Variants in TNR observed in about 807,000 individuals in gnomAD.
TNR encodes tenascin R, also known as tenascin-R.
Under a neutral mutation model 150.4 loss-of-function variants are expected in TNR, and 45 were observed. The observed-to-expected ratio is 0.30, with a 90% CI of 0.24 to 0.38. The LOEUF is 0.38. Among genes scored for constraint, TNR ranks in the 10% least tolerant of loss-of-function variants. TNR has a pLI of 1.00. For missense variants in TNR, 1,544 were observed against 1,759.1 expected (o/e 0.88, Z 2.19); for synonymous variants, 687 against 678.4 (o/e 1.01, Z -0.20).
At chr1:175,678,987 G>C (rs1665949349) in intron 1 of TNR, among the ~76,000 whole-genome samples, 1 of 152,228 alleles carries the variant, frequency 6.6e-6, no homozygotes, top group South Asian at 2.1e-4. Context: ...ACCTATGTCT[G>C]TCCACACTGC....
intron 1 of TNR, among the ~76,000 whole-genome samples, chr1:175,665,085 C>T (rs1482303092): frequency 6.6e-6 from 1 of 152,214 alleles, no homozygotes; most frequent in South Asian, 2.1e-4. Flanking sequence ...AGCTTGGTCT[C>T]AACGTTAGCC....
chr1:175,711,807 G>A (rs956298362), intron 1 of TNR, among the ~76,000 whole-genome samples: 3 of 152,230 alleles, frequency 2.0e-5, no homozygotes, highest in African/African-American at 7.2e-5. Flanking sequence ...GAGCTCCTGG[G>A]AGGAAGGGAT....
At chr1:175,528,062 C>A (rs1020886846) in intron 2 of TNR, among the ~76,000 whole-genome samples, 2 of 152,200 alleles carry the variant, frequency 1.3e-5, no homozygotes, top group Non-Finnish European at 2.9e-5. Context: ...AAGCCAAAGC[C>A]TTGGTACCCG....
intron 15 of TNR, among the ~76,000 whole-genome samples, chr1:175,359,198 T>C (rs1164838890): frequency 7.8e-6 from 1 of 128,484 alleles, no homozygotes; most frequent in African/African-American, 2.9e-5. Context: ...CAGGCTGGAG[T>C]GCAATGGCGT....
chr1:175,727,503 G>A (rs904181696), intron 1 of TNR, among the ~76,000 whole-genome samples: 7 of 152,172 alleles, frequency 4.6e-5, no homozygotes, highest in Non-Finnish European at 1.0e-4. Context: ...GCTGTAGATG[G>A]GAGCTGAGAA....
chr1:175,543,123 A>G (rs1660566483), intron 1 of TNR, among the ~76,000 whole-genome samples: 1 of 152,218 alleles, frequency 6.6e-6, no homozygotes, highest in Non-Finnish European at 1.5e-5. Flanking sequence ...CAAAGTTAGT[A>G]GCTGGTTCAG....
chr1:175,557,978 T>C (rs1301886249), intron 1 of TNR, among the ~76,000 whole-genome samples: 1 of 106,112 alleles, frequency 9.4e-6, no homozygotes, highest in Non-Finnish European at 1.9e-5. Flanking sequence ...TGTAGGGACA[T>C]GGATGAAATT....
chr1:175,675,193 A>G (rs1665822337), intron 1 of TNR, among the ~76,000 whole-genome samples: 1 of 152,234 alleles, frequency 6.6e-6, no homozygotes, highest in South Asian at 2.1e-4. Flanking sequence ...CCCATTGTGC[A>G]TATCGGCTTG....
intron 7 of TNR, among the ~76,000 whole-genome samples, chr1:175,390,308 G>T (rs1653113210): frequency 6.6e-6 from 1 of 152,118 alleles, no homozygotes. Flanking sequence ...CTGGCTTTCT[G>T]GTACATCAAT....
intron 2 of TNR, among the ~76,000 whole-genome samples, chr1:175,407,967 G>T (rs1164548130): frequency 6.6e-6 from 1 of 152,150 alleles, no homozygotes; most frequent in Non-Finnish European, 1.5e-5. Context: ...GGAATATCGC[G>T]ATTAGAAAAT....
In TNR at chr1:175,455,606, CTA is replaced by C. The variant is rs1162039487; in HGVS notation, c.-63-48831_-63-48830del. Among the ~76,000 whole-genome samples, 5 of 152,288 alleles carry C rather than the reference CTA, an allele frequency of 3.3e-5. No homozygotes were observed. In the South Asian group the frequency reaches 1.0e-3, roughly 32 times the overall value. Reference sequence around the variant, plus strand: ...ATTTTGAGGATTTGGGACTGTGGGACTATGTCAGGGAAGTCTTCAGAAGGAGG... The same window carrying C: ...ATTTTGAGGATTTGGGACTGTGGGACTGTCAGGGAAGTCTTCAGAAGGAGG... On this transcript the variant is annotated intron_variant, in intron 2 of 22. Transcript: ENST00000367674.
At chr1:175,561,673 G>C (rs1272666916) in intron 1 of TNR, among the ~76,000 whole-genome samples, 1 of 152,208 alleles carries the variant, frequency 6.6e-6, no homozygotes, top group Non-Finnish European at 1.5e-5. Context: ...AAACTCTGCT[G>C]TGTCCAGACC....
chr1:175,388,231 G>A (rs1653021017), intron 7 of TNR, among the ~76,000 whole-genome samples: 1 of 151,964 alleles, frequency 6.6e-6, no homozygotes, highest in Non-Finnish European at 1.5e-5. Flanking sequence ...GAGAAAGAAG[G>A]GGAAGCATTT....
intron 22 of TNR, 104 bp downstream of exon 22, chr1:175,324,237 CAAAATATTTCTTTTT>C: frequency 8.6e-7 from 1 of 1,157,292 alleles, no homozygotes; most frequent in African/African-American, 1.6e-5. Flanking sequence ...TCTCAAGACT[CAAAATATTTCTTTTT>C]AAAGGGAAAT....
intron 18 of TNR, among the ~76,000 whole-genome samples, chr1:175,344,034 C>G (rs983450187): frequency 1.3e-5 from 2 of 152,182 alleles, no homozygotes; most frequent in Non-Finnish European, 2.9e-5. Flanking sequence ...TTTATTAAAG[C>G]AAGAAAGCAC....
At position 175,339,493 on chromosome 1, in the gene TNR, G is replaced by C. The variant is rs143577684; in HGVS notation, c.3383-1814C>G. Among the ~76,000 whole-genome samples the C allele has an allele frequency of 8.5e-5, 13 of 152,282 alleles. No individual in the cohort carries two copies. The East Asian group carries it at 2.5e-3, about 29-fold the overall frequency. ...GCTACAGTTACATTTCAGGAGACAG[G>C]TGTGAGCTGTCTCTGTCTCCTTCCC... is the stretch of plus-strand genomic sequence containing the variant. On this transcript the variant is annotated intron_variant, in intron 18 of 22. Transcript: ENST00000367674.
chr1:175,612,598 CA>C (rs1023381526), intron 1 of TNR, among the ~76,000 whole-genome samples: 4 of 152,152 alleles, frequency 2.6e-5, no homozygotes, highest in Non-Finnish European at 4.4e-5. Context: ...TTCTATTACC[CA>C]AAACCCCCCA....
chr1:175,740,440 A>C (rs370755658), intron 1 of TNR, among the ~76,000 whole-genome samples: 58 of 151,640 alleles, frequency 3.8e-4, no homozygotes, highest in African/African-American at 1.1e-3. Context: ...TTTTTCAACA[A>C]AAAAAAAGTA....
At chr1:175,529,911 C>A (rs1659998161) in intron 1 of TNR, among the ~76,000 whole-genome samples, 1 of 152,144 alleles carries the variant, frequency 6.6e-6, no homozygotes, top group Non-Finnish European at 1.5e-5. Flanking sequence ...ATTAAAAACA[C>A]CGGGTACTTT....
Sources: gnomAD v4.1 joint callset for allele counts (sites outside exome capture counted in the v4.1 genomes callset) on GRCh38, gnomAD v4.1.1 for gene constraint, MANE v1.5 for transcripts, NCBI Gene and HGNC (gene_info 2026-07-23, HGNC 2026-07-21) for gene names.